Variants in PLPPR1 observed in about 807,000 individuals in gnomAD.
PLPPR1 encodes phospholipid phosphatase-related protein type 1.
In PLPPR1, 10 loss-of-function variants were observed where a neutral mutation model predicts 33.1. The observed-to-expected ratio is 0.30, with a 90% CI of 0.19 to 0.51. PLPPR1 has a LOEUF of 0.51. PLPPR1 is among the 20% of genes least tolerant of loss of function. The probability of loss-of-function intolerance (pLI) is 0.97; values close to 1 mark genes in which losing one functional copy is unlikely to be tolerated. For synonymous variants in PLPPR1, 151 were observed against 151.0 expected, an observed-to-expected ratio of 1.00 and a Z score of 0.00; for missense variants, 304 against 408.1, an observed-to-expected ratio of 0.74 and a Z score of 2.20.
Position 101,222,807 on chromosome 9 carries a change from C to T in PLPPR1, c.63+37250C>T, listed in dbSNP as rs1446925241. Among the ~76,000 whole-genome samples, 5 of 151,986 alleles carry T rather than the reference C, an allele frequency of 3.3e-5. No homozygotes were observed. The South Asian group carries it at 6.2e-4, about 19-fold the overall frequency. ...TTCTAAAAATAGAATTTGTGTGAGA[C>T]CATTCATCATAAAGCAAACCCCCGC... On this transcript the variant is annotated intron_variant, in intron 2 of 7. Transcript: ENST00000374874.
chr9:101,201,201 A>C (rs1443558926), intron 2 of PLPPR1, among the ~76,000 whole-genome samples: 1 of 152,194 alleles, frequency 6.6e-6, no homozygotes, highest in Non-Finnish European at 1.5e-5. Flanking sequence ...AATTCTATTT[A>C]TGAGAGAGGA....
chr9:101,078,481 C>G (rs1394492301), intron 1 of PLPPR1, among the ~76,000 whole-genome samples: 1 of 151,996 alleles, frequency 6.6e-6, no homozygotes, highest in African/African-American at 2.4e-5. Flanking sequence ...TTTGTGTGTG[C>G]TTCTAGATTT....
chr9:101,209,690 A>G (rs1005409658), intron 2 of PLPPR1, among the ~76,000 whole-genome samples: 1 of 152,234 alleles, frequency 6.6e-6, no homozygotes, highest in Admixed American at 6.5e-5. Context: ...TAGCCAAACT[A>G]TTTGATTTCC....
At chr9:101,072,366 G>C (rs550082205) in intron 1 of PLPPR1, among the ~76,000 whole-genome samples, 1 of 152,198 alleles carries the variant, frequency 6.6e-6, no homozygotes, top group East Asian at 1.9e-4. Context: ...ATTCTCAAAA[G>C]GATTCTATGG....
At chr9:101,292,780 G>T (rs1424913384) in intron 4 of PLPPR1, among the ~76,000 whole-genome samples, 5 of 151,716 alleles carry the variant, frequency 3.3e-5, no homozygotes, top group African/African-American at 1.2e-4. Flanking sequence ...CACCAGGCCT[G>T]CTCTAAAAGA....
chr9:101,126,306 C>T (rs1398774500), intron 1 of PLPPR1, among the ~76,000 whole-genome samples: 1 of 152,198 alleles, frequency 6.6e-6, no homozygotes, highest in Non-Finnish European at 1.5e-5. Context: ...ACCAATCATT[C>T]CTGTATGCAC....
intron 2 of PLPPR1, among the ~76,000 whole-genome samples, chr9:101,214,558 A>C (rs1177564838): frequency 3.3e-5 from 5 of 152,362 alleles, no homozygotes; most frequent in Non-Finnish European, 7.3e-5. Context: ...TTTTAACTTA[A>C]ATGATAAATA....
At chr9:101,090,243 C>A (rs981765638) in intron 1 of PLPPR1, among the ~76,000 whole-genome samples, 2 of 152,112 alleles carry the variant, frequency 1.3e-5, no homozygotes, top group African/African-American at 2.4e-5. Context: ...CGTTTCCAAA[C>A]AAGGTCACAT....
chr9:101,313,542 C>T (rs767588070), intron 6 of PLPPR1, among the ~76,000 whole-genome samples: 13 of 152,146 alleles, frequency 8.5e-5, no homozygotes, highest in South Asian at 2.1e-4. Flanking sequence ...ATCTTACTTC[C>T]GCTAAACTGG....
chr9:101,116,705 G>C (rs1352134748), intron 1 of PLPPR1, among the ~76,000 whole-genome samples: 1 of 151,684 alleles, frequency 6.6e-6, no homozygotes, highest in Non-Finnish European at 1.5e-5. Context: ...CAACTACTCA[G>C]GAGGCTGAGA....
At chr9:101,222,396 G>A (rs1826963762) in intron 2 of PLPPR1, among the ~76,000 whole-genome samples, 1 of 152,208 alleles carries the variant, frequency 6.6e-6, no homozygotes, top group Admixed American at 6.5e-5. Flanking sequence ...GTCTAGAGCA[G>A]GAGTCCTCAA....
intron 2 of PLPPR1, among the ~76,000 whole-genome samples, chr9:101,265,321 C>T (rs1827969712): frequency 6.6e-6 from 1 of 152,220 alleles, no homozygotes; most frequent in Non-Finnish European, 1.5e-5. Flanking sequence ...GTCCCTGGTA[C>T]ATGAGCTCCT....
At chr9:101,251,395 G>C (rs1827709951) in intron 2 of PLPPR1, among the ~76,000 whole-genome samples, 1 of 152,090 alleles carries the variant, frequency 6.6e-6, no homozygotes, top group Non-Finnish European at 1.5e-5. Flanking sequence ...CAATAGCACA[G>C]CAGTGTTAGA....
chr9:101,249,339 A>G (rs1320170993), intron 2 of PLPPR1, among the ~76,000 whole-genome samples: 1 of 152,078 alleles, frequency 6.6e-6, no homozygotes, highest in African/African-American at 2.4e-5. Flanking sequence ...TTAAAACCCC[A>G]TGATATTCTA....
At chr9:101,117,279 G>A (rs1365099085) in intron 1 of PLPPR1, among the ~76,000 whole-genome samples, 7 of 152,122 alleles carry the variant, frequency 4.6e-5, no homozygotes. Context: ...TGATAAAGCA[G>A]ACTGCAGTGG....
chr9:101,088,484 A>G (rs1830704500), intron 1 of PLPPR1, among the ~76,000 whole-genome samples: 1 of 152,188 alleles, frequency 6.6e-6, no homozygotes, highest in African/African-American at 2.4e-5. Flanking sequence ...GATAGGCCAT[A>G]TAGTAGGCAA....
intron 2 of PLPPR1, among the ~76,000 whole-genome samples, chr9:101,224,559 C>T (rs1327341582): frequency 1.3e-5 from 2 of 152,052 alleles, no homozygotes; most frequent in Non-Finnish European, 2.9e-5. Flanking sequence ...TGCCCTGAGG[C>T]CTAGGGTTGG....
chr9:101,254,809 T>C (rs1359500881), intron 2 of PLPPR1, among the ~76,000 whole-genome samples: 1 of 152,148 alleles, frequency 6.6e-6, no homozygotes, highest in Non-Finnish European at 1.5e-5. Flanking sequence ...ATTTTCCTGT[T>C]CCCTCCAACT....
At chr9:101,200,621 ATT>A (rs1164256786) in intron 2 of PLPPR1, among the ~76,000 whole-genome samples, 1 of 152,088 alleles carries the variant, frequency 6.6e-6, no homozygotes, top group Non-Finnish European at 1.5e-5. Flanking sequence ...AGACAATTTC[ATT>A]TTGTTTATTT....
Sources: gnomAD v4.1 joint callset for allele counts (sites outside exome capture counted in the v4.1 genomes callset) on GRCh38, gnomAD v4.1.1 for gene constraint, MANE v1.5 for transcripts, NCBI Gene and HGNC (gene_info 2026-07-23, HGNC 2026-07-21) for gene names.